AFF3: variants seen among roughly 807,000 people sequenced by gnomAD.
AFF3 encodes ALF transcription elongation factor 3, also known as AF4/FMR2 family member 3.
In AFF3, 32 loss-of-function variants were observed where a neutral mutation model predicts 129.7. The observed-to-expected ratio is 0.25, with a 90% CI of 0.19 to 0.33. AFF3 has a LOEUF of 0.33. Ranked by LOEUF, AFF3 falls within the 10% of genes least tolerant of loss-of-function variation. AFF3 has a pLI of 1.00. For synonymous variants in AFF3, 644 were observed against 635.4 expected, an observed-to-expected ratio of 1.01 and a Z score of -0.20; for missense variants, 1,373 against 1,592.0, an observed-to-expected ratio of 0.86 and a Z score of 2.34.
chr2:99,828,676 G>A (rs1688294310), intron 8 of AFF3, among the ~76,000 whole-genome samples: 1 of 152,222 alleles, frequency 6.6e-6, no homozygotes, highest in Non-Finnish European at 1.5e-5. Flanking sequence ...GATGGAGGCA[G>A]TAATGGGACT....
intron 7 of AFF3, among the ~76,000 whole-genome samples, chr2:99,922,079 G>C (rs894007094): frequency 6.6e-6 from 1 of 152,128 alleles, no homozygotes; most frequent in African/African-American, 2.4e-5. Context: ...TGAGGATATG[G>C]AGTAACGATA....
chr2:99,551,363 G>A lies in AFF3; in HGVS notation c.*111C>T. The A allele has an allele frequency of 1.4e-6, 2 of 1,409,754 alleles. No homozygotes were observed. The highest frequency in any genetic ancestry group is 1.9e-6 in the Non-Finnish European group (2 of 1,035,348). 87.3% of individuals were successfully genotyped at this position (1,409,754 alleles called of 1,614,324 possible). A position where few individuals can be genotyped will look rare whatever the true frequency, so the allele number is the denominator to read the frequency against. On this transcript the variant is annotated 3_prime_UTR_variant, in exon 25 of 25. Transcript: ENST00000672756. ...GATCATTGTTCAATGCTGAGGAAAT[G>A]TTCACCGCAGTCTGATAAATGCTGT...
intron 4 of AFF3, among the ~76,000 whole-genome samples, chr2:100,100,529 T>C (rs1309227949): frequency 6.6e-6 from 1 of 152,212 alleles, no homozygotes; most frequent in Non-Finnish European, 1.5e-5. Context: ...AACTCAATTT[T>C]TCCTCTTTCC....
rs557695483 is a variant in AFF3 at position 99,755,705 on chromosome 2, T to G, written c.922-3404A>C. Among the ~76,000 whole-genome samples the G allele has an allele frequency of 3.9e-5, 6 of 152,368 alleles. No homozygotes were observed. The South Asian group carries it at 1.2e-3, about 32-fold the overall frequency. On this transcript the variant is annotated intron_variant, in intron 8 of 24. Transcript: ENST00000672756. ...GGCTTCACAACCCTGACTTTAACTC[T>G]GATCTTTGGACTTCGTCTTGAAGAT...
At chr2:99,797,830 G>C (rs958482523) in intron 8 of AFF3, among the ~76,000 whole-genome samples, 2 of 151,946 alleles carry the variant, frequency 1.3e-5, no homozygotes, top group African/African-American at 4.8e-5. Context: ...CAAAAACTAA[G>C]GTAAAATACA....
chr2:99,688,144 A>G (rs1675257253), intron 11 of AFF3, among the ~76,000 whole-genome samples: 1 of 152,018 alleles, frequency 6.6e-6, no homozygotes, highest in Non-Finnish European at 1.5e-5. Context: ...GCCCGGCCCC[A>G]GTCATTTATT....
intron 13 of AFF3, among the ~76,000 whole-genome samples, chr2:99,641,461 T>C (rs988285495): frequency 5.3e-5 from 8 of 152,112 alleles, no homozygotes; most frequent in African/African-American, 1.7e-4. Context: ...GTGGATCACC[T>C]GAGGTCAGGA....
At chr2:99,656,000 C>T (rs1169977617) in intron 12 of AFF3, among the ~76,000 whole-genome samples, 1 of 152,116 alleles carries the variant, frequency 6.6e-6, no homozygotes, top group African/African-American at 2.4e-5. Flanking sequence ...CTGGCTTGGG[C>T]ACCTGGTATG....
chr2:100,049,231 G>A (rs888048120), intron 4 of AFF3, among the ~76,000 whole-genome samples: 1 of 152,188 alleles, frequency 6.6e-6, no homozygotes, highest in African/African-American at 2.4e-5. Flanking sequence ...CAAAGGGATA[G>A]TGTGACACCG....
intron 8 of AFF3, among the ~76,000 whole-genome samples, chr2:99,806,058 G>GA (rs373750398): frequency 1.4e-3 from 210 of 147,488 alleles, no homozygotes; most frequent in Non-Finnish European, 1.9e-3. Context: ...AGAGATGATA[G>GA]AAAAAAAAAA....
chr2:99,657,893 G>A (rs13396417), intron 12 of AFF3, among the ~76,000 whole-genome samples: 12,568 of 152,302 alleles, frequency 0.083, 1,702 homozygotes, highest in African/African-American at 0.28. Flanking sequence ...GGGGCCTTAC[G>A]TGAGGCCAGA....
rs534552951 is a variant in AFF3 at position 100,001,814 on chromosome 2, G to A, written c.873+4818C>T. On this transcript the variant is annotated intron_variant, in intron 7 of 24. Coordinates refer to ENST00000672756, the MANE Select transcript of AFF3 (RefSeq NM_001386135.1). ...ATTTCCACTTGCCAGTCTTCATTAC[G>A]ACCTTCAGAACGACCCATCTAAACT... Among the ~76,000 whole-genome samples, 226 of 152,306 alleles carry A rather than the reference G, an allele frequency of 1.5e-3. 3 individuals are homozygous for A. The highest frequency in any genetic ancestry group is 5.2e-3 in the African/African-American group (218 of 41,578).
chr2:99,755,612 C>A (rs1196844012), intron 8 of AFF3, among the ~76,000 whole-genome samples: 1 of 152,140 alleles, frequency 6.6e-6, no homozygotes, highest in Non-Finnish European at 1.5e-5. Context: ...TGGGCACCCC[C>A]AAGCATTTCT....
At chr2:99,713,653 G>A (rs1164828124) in intron 11 of AFF3, among the ~76,000 whole-genome samples, 1 of 152,006 alleles carries the variant, frequency 6.6e-6, no homozygotes, top group Admixed American at 6.6e-5. Context: ...AGAAGACAAA[G>A]GGTGGGCCCT....
At chr2:99,977,451 G>A (rs1394206611) in intron 7 of AFF3, among the ~76,000 whole-genome samples, 1 of 152,108 alleles carries the variant, frequency 6.6e-6, no homozygotes, top group Non-Finnish European at 1.5e-5. Flanking sequence ...CTAAGTTTTT[G>A]AGAAAAACAA....
chr2:99,613,190 T>C (rs982630279), intron 13 of AFF3, among the ~76,000 whole-genome samples: 1 of 152,216 alleles, frequency 6.6e-6, no homozygotes, highest in Non-Finnish European at 1.5e-5. Context: ...TACATTTACA[T>C]ATTTTACATT....
At chr2:99,586,760 C>T (rs1206645942) in intron 16 of AFF3, among the ~76,000 whole-genome samples, 1 of 152,148 alleles carries the variant, frequency 6.6e-6, no homozygotes, top group African/African-American at 2.4e-5. Flanking sequence ...GCTTTAGGTG[C>T]TACACATGGA....
chr2:99,594,380 CTAAGTA>C, intron 14 of AFF3, 91 bp from the exon 15 acceptor site: 1 of 1,504,078 alleles, frequency 6.6e-7, no homozygotes, highest in South Asian at 1.4e-5. Flanking sequence ...ACTTACTTCT[CTAAGTA>C]TATGAGCAGA....
chr2:100,091,344 C>T (rs2699611), intron 4 of AFF3, among the ~76,000 whole-genome samples: 17 of 152,174 alleles, frequency 1.1e-4, no homozygotes, highest in Non-Finnish European at 1.8e-4. Flanking sequence ...TGCCATCAAA[C>T]GTTAGGACAA....
Sources: gnomAD v4.1 joint callset for allele counts (sites outside exome capture counted in the v4.1 genomes callset) on GRCh38, gnomAD v4.1.1 for gene constraint, MANE v1.5 for transcripts, NCBI Gene and HGNC (gene_info 2026-07-23, HGNC 2026-07-21) for gene names.